The following ATP8A2 variants were observed in gnomAD, a reference collection of about 807,000 sequenced individuals.
ATP8A2 encodes the protein ATPase phospholipid transporting 8A2, also known as phospholipid-transporting ATPase IB.
ATP8A2 carries 100 observed loss-of-function variants against 165.6 expected under a neutral mutation model. The ratio of observed to expected loss-of-function variants is 0.60; its 90% confidence interval spans 0.51 to 0.71. The LOEUF (loss-of-function observed/expected upper bound fraction) is 0.71, where lower values mean the gene tolerates loss of function less well. Among genes scored for constraint, ATP8A2 ranks in the 30% least tolerant of loss-of-function variants. The probability of loss-of-function intolerance (pLI) is 0.00; values close to 1 mark genes in which losing one functional copy is unlikely to be tolerated. For synonymous variants in ATP8A2, 543 were observed against 548.8 expected (o/e 0.99, Z 0.15); for missense variants, 1,227 against 1,479.5 (o/e 0.83, Z 2.80).
intron 33 of ATP8A2, among the ~76,000 whole-genome samples, chr13:25,872,160 C>T (rs139153871): frequency 1.3e-5 from 2 of 151,984 alleles, no homozygotes; most frequent in Non-Finnish European, 2.9e-5. Flanking sequence ...TCCTCTGCCT[C>T]ACTGACCATG....
intron 33 of ATP8A2, among the ~76,000 whole-genome samples, chr13:25,869,551 G>A (rs759110730): frequency 5.9e-5 from 9 of 152,146 alleles, no homozygotes; most frequent in Non-Finnish European, 1.3e-4. Flanking sequence ...ATCCATACTT[G>A]CGTTATTTCT....
At chr13:25,543,255 C>A in intron 9 of ATP8A2, 36 bp from the exon 10 acceptor site, 1 of 1,313,312 alleles carries the variant, frequency 7.6e-7, no homozygotes, top group Non-Finnish European at 1.1e-6. Context: ...ATTTTCCAGA[C>A]TATCATTAAA....
At chr13:25,780,116 T>C (rs539536503) in intron 27 of ATP8A2, among the ~76,000 whole-genome samples, 1 of 152,300 alleles carries the variant, frequency 6.6e-6, no homozygotes, top group Admixed American at 6.5e-5. Flanking sequence ...AAAATTCAAA[T>C]AGAAAAATAA....
intron 2 of ATP8A2, among the ~76,000 whole-genome samples, chr13:25,499,314 G>A (rs750715217): frequency 6.6e-6 from 1 of 152,192 alleles, no homozygotes; most frequent in Non-Finnish European, 1.5e-5. Context: ...CTATATATAA[G>A]ACCCTACTTC....
chr13:25,854,587 A>G (rs557148671), intron 30 of ATP8A2, among the ~76,000 whole-genome samples: 1 of 152,124 alleles, frequency 6.6e-6, no homozygotes, highest in Non-Finnish European at 1.5e-5. Flanking sequence ...AAGTGCTGGG[A>G]TTGCAGGTGT....
At chr13:25,702,156 T>C (rs1474696894) in intron 25 of ATP8A2, among the ~76,000 whole-genome samples, 1 of 152,216 alleles carries the variant, frequency 6.6e-6, no homozygotes, top group Non-Finnish European at 1.5e-5. Context: ...CTTCAAAATA[T>C]AATAGTTGTG....
chr13:25,480,091 C>A (rs1415553701), intron 2 of ATP8A2, among the ~76,000 whole-genome samples: 2 of 151,996 alleles, frequency 1.3e-5, no homozygotes, highest in East Asian at 3.9e-4. Context: ...CCCCTCACCT[C>A]CCGGACGGGG....
intron 24 of ATP8A2, among the ~76,000 whole-genome samples, chr13:25,630,806 G>T (rs567148435): frequency 1.3e-5 from 2 of 151,936 alleles, no homozygotes; most frequent in African/African-American, 4.8e-5. Context: ...TACTACTCTG[G>T]ACATACCAAA....
intron 33 of ATP8A2, among the ~76,000 whole-genome samples, chr13:25,924,691 T>G (rs2139045233): frequency 6.6e-6 from 1 of 152,334 alleles, no homozygotes; most frequent in Admixed American, 6.5e-5. Context: ...TGAGGTATGA[T>G]ATGGTTTGGC....
chr13:25,848,023 C>T (rs1469271922), intron 30 of ATP8A2, among the ~76,000 whole-genome samples: 1 of 152,230 alleles, frequency 6.6e-6, no homozygotes, highest in Non-Finnish European at 1.5e-5. Context: ...GTCAGCATAC[C>T]TACCCTGCCT....
intron 24 of ATP8A2, among the ~76,000 whole-genome samples, chr13:25,660,929 C>T (rs368919697): frequency 1.3e-5 from 2 of 152,088 alleles, no homozygotes; most frequent in East Asian, 3.9e-4. Context: ...AGACTTTATT[C>T]GATGGTCATG....
chr13:25,835,079 G>C (rs1593422536), intron 28 of ATP8A2, among the ~76,000 whole-genome samples: 2 of 152,012 alleles, frequency 1.3e-5, no homozygotes, highest in East Asian at 3.9e-4. Context: ...GGGCAGGGGA[G>C]AATCTGAAGA....
intron 2 of ATP8A2, among the ~76,000 whole-genome samples, chr13:25,485,941 A>C: frequency 6.6e-6 from 1 of 152,166 alleles, no homozygotes; most frequent in East Asian, 1.9e-4. Flanking sequence ...TCCTATACTC[A>C]ACAAAAATTT....
intron 25 of ATP8A2, among the ~76,000 whole-genome samples, chr13:25,728,339 G>A (rs2043540146): frequency 6.6e-6 from 1 of 152,158 alleles, no homozygotes. Context: ...TGGGTGAAGT[G>A]AGGATACCTC....
chr13:25,602,315 G>C (rs534981201), intron 24 of ATP8A2, among the ~76,000 whole-genome samples: 8 of 152,268 alleles, frequency 5.3e-5, no homozygotes, highest in African/African-American at 1.9e-4. Flanking sequence ...CAGGGCTGGC[G>C]GGGAGGGGAG....
At chr13:25,837,010 T>C (rs1951630962) in intron 28 of ATP8A2, among the ~76,000 whole-genome samples, 153 bp from the exon 29 acceptor site, 1 of 152,244 alleles carries the variant, frequency 6.6e-6, no homozygotes, top group African/African-American at 2.4e-5. Context: ...CTTTCATTTA[T>C]TTCCTTTGTT....
chr13:25,927,157 G>A, intron 33 of ATP8A2: 2 of 456,792 alleles, frequency 4.4e-6, no homozygotes, highest in South Asian at 3.1e-5. Context: ...ACACTAGCTG[G>A]ATATTGCCCT....
chr13:25,789,877 C>G (rs1196197159), intron 27 of ATP8A2, among the ~76,000 whole-genome samples: 2 of 152,162 alleles, frequency 1.3e-5, no homozygotes, highest in Admixed American at 6.5e-5. Context: ...GGTACAAAAA[C>G]AGGCACAAAG....
chr13:25,911,716 A>G (rs1566262276), intron 33 of ATP8A2, among the ~76,000 whole-genome samples: 1 of 152,158 alleles, frequency 6.6e-6, no homozygotes, highest in African/African-American at 2.4e-5. Context: ...TTTCCAGCAC[A>G]TACCTTCGCT....
Sources: gnomAD v4.1 joint callset for allele counts (sites outside exome capture counted in the v4.1 genomes callset) on GRCh38, gnomAD v4.1.1 for gene constraint, MANE v1.5 for transcripts, NCBI Gene and HGNC (gene_info 2026-07-23, HGNC 2026-07-21) for gene names.